Variants in SCHIP1 observed in about 807,000 individuals in gnomAD.
The protein encoded by SCHIP1 is schwannomin interacting protein 1.
SCHIP1 carries 8 observed loss-of-function variants against 29.7 expected under a neutral mutation model. The observed-to-expected ratio is 0.27, with a 90% confidence interval of 0.16 to 0.49. The LOEUF (loss-of-function observed/expected upper bound fraction) is 0.49, where lower values mean the gene tolerates loss of function less well. Ranked by LOEUF, SCHIP1 falls within the 20% of genes least tolerant of loss-of-function variation. The pLI is 0.99. For synonymous variants in SCHIP1, 76 were observed against 94.9 expected (o/e 0.80, Z 1.16); for missense variants, 193 against 294.6 (o/e 0.66, Z 2.52).
chr3:159,312,670 T>C, the SCHIP1 span, among the ~76,000 whole-genome samples: 2 of 152,156 alleles, frequency 1.3e-5, no homozygotes, highest in African/African-American at 4.8e-5. Context: ...CTTCATCCTT[T>C]AGGCAGAATG....
chr3:159,382,896 T>A, the SCHIP1 span, among the ~76,000 whole-genome samples: 3 of 152,028 alleles, frequency 2.0e-5, no homozygotes, highest in Middle Eastern at 3.4e-3. Flanking sequence ...TTGGCTGCAT[T>A]AATGTCTTCT....
At chr3:159,791,432 G>A in the SCHIP1 span, among the ~76,000 whole-genome samples, 176 of 152,338 alleles carry the variant, frequency 1.2e-3, 2 homozygotes, top group Non-Finnish European at 1.6e-3. Flanking sequence ...GAACCTTCCC[G>A]GCAGGTGCCT....
At chr3:159,862,157 T>TGATGTTTTCTCAGAAAAA (rs1370985437) in intron 1 of SCHIP1, among the ~76,000 whole-genome samples, 2 of 152,236 alleles carry the variant, frequency 1.3e-5, no homozygotes, top group African/African-American at 4.8e-5. Context: ...TCTCTTTTTC[T>TGATGTTTTCTCAGAAAAA]GAGAAAACAT....
At chr3:159,499,362 A>G in the SCHIP1 span, among the ~76,000 whole-genome samples, 4 of 152,288 alleles carry the variant, frequency 2.6e-5, 1 homozygote, top group African/African-American at 7.2e-5. Flanking sequence ...CTTTAATTCC[A>G]TCGCCTAAGG....
chr3:159,611,774 G>C, the SCHIP1 span, among the ~76,000 whole-genome samples: 1 of 152,078 alleles, frequency 6.6e-6, no homozygotes, highest in Non-Finnish European at 1.5e-5. Flanking sequence ...TTGACCCCAA[G>C]AGTGAACTGC....
the SCHIP1 span, among the ~76,000 whole-genome samples, chr3:159,469,368 T>C: frequency 6.6e-6 from 1 of 152,154 alleles, no homozygotes; most frequent in East Asian, 1.9e-4. Context: ...TAGGGCTTCA[T>C]CCTAATTTAA....
intron 1 of SCHIP1, among the ~76,000 whole-genome samples, chr3:159,851,108 T>C: frequency 6.6e-6 from 1 of 151,944 alleles, no homozygotes; most frequent in African/African-American, 2.4e-5. Flanking sequence ...ATCCCATCCC[T>C]ACAAAAAATT....
the SCHIP1 span, among the ~76,000 whole-genome samples, chr3:159,782,961 A>G: frequency 6.6e-6 from 1 of 152,250 alleles, no homozygotes. Context: ...CAGCATGTCC[A>G]GCAAAGAGAC....
chr3:159,515,215 AAGAC>A, the SCHIP1 span, among the ~76,000 whole-genome samples: 6 of 151,338 alleles, frequency 4.0e-5, no homozygotes, highest in Non-Finnish European at 8.8e-5. Context: ...AAAAAAAACT[AAGAC>A]AGATCCAGAA....
chr3:159,512,422 C>T, the SCHIP1 span, among the ~76,000 whole-genome samples: 3 of 152,096 alleles, frequency 2.0e-5, no homozygotes, highest in African/African-American at 7.2e-5. Context: ...ATTTCATAGC[C>T]CAGCAATTTG....
the SCHIP1 span, among the ~76,000 whole-genome samples, chr3:159,561,606 CTATT>C: frequency 4.0e-5 from 6 of 151,616 alleles, no homozygotes; most frequent in Admixed American, 6.6e-5. Flanking sequence ...GGGTAATTTG[CTATT>C]TAAAGAAATC....
At chr3:159,599,212 C>T in the SCHIP1 span, among the ~76,000 whole-genome samples, 250 of 152,164 alleles carry the variant, frequency 1.6e-3, 1 homozygote, top group African/African-American at 5.9e-3. Flanking sequence ...ATATGTGAGG[C>T]TTTGTTTCTT....
At chr3:159,751,850 A>G in the SCHIP1 span, among the ~76,000 whole-genome samples, 1 of 152,116 alleles carries the variant, frequency 6.6e-6, no homozygotes, top group South Asian at 2.1e-4. Flanking sequence ...GCCCAGCCTC[A>G]AATCTCATGT....
the SCHIP1 span, among the ~76,000 whole-genome samples, chr3:159,543,487 G>C: frequency 1.3e-5 from 2 of 149,828 alleles, no homozygotes; most frequent in African/African-American, 2.5e-5. Flanking sequence ...TTGTCCTTAC[G>C]ATAGTTTACT....
chr3:159,709,846 T>C, the SCHIP1 span, among the ~76,000 whole-genome samples: 1 of 152,220 alleles, frequency 6.6e-6, no homozygotes, highest in Non-Finnish European at 1.5e-5. Flanking sequence ...ATTCTCCATC[T>C]TGTTACAAGA....
intron 1 of SCHIP1, among the ~76,000 whole-genome samples, chr3:159,840,964 T>C (rs1744163769): frequency 6.6e-6 from 1 of 152,240 alleles, no homozygotes; most frequent in Admixed American, 6.5e-5. Flanking sequence ...AGTATCTTTG[T>C]TGAAAACAGA....
chr3:159,280,456 G>A, the SCHIP1 span, among the ~76,000 whole-genome samples: 2 of 152,162 alleles, frequency 1.3e-5, no homozygotes, highest in Admixed American at 6.5e-5. Context: ...TATGTGATAA[G>A]TTGCAGGGCC....
the SCHIP1 span, among the ~76,000 whole-genome samples, chr3:159,778,547 T>C: frequency 3.3e-5 from 5 of 152,224 alleles, no homozygotes; most frequent in Admixed American, 3.3e-4. Context: ...TTAAAAAGGG[T>C]ATACTAAAAC....
the SCHIP1 span, among the ~76,000 whole-genome samples, chr3:159,442,747 C>T: frequency 6.6e-6 from 1 of 152,114 alleles, no homozygotes; most frequent in Non-Finnish European, 1.5e-5. Flanking sequence ...GAGGCTACTG[C>T]TTTGGTCCAG....
Sources: gnomAD v4.1 joint callset for allele counts (sites outside exome capture counted in the v4.1 genomes callset) on GRCh38, gnomAD v4.1.1 for gene constraint, MANE v1.5 for transcripts, NCBI Gene and HGNC (gene_info 2026-07-23, HGNC 2026-07-21) for gene names.